SLC38A11: variants seen among roughly 807,000 people sequenced by gnomAD.
SLC38A11 encodes solute carrier family 38 member 11.
SLC38A11 carries 51 observed loss-of-function variants against 49.4 expected under a neutral mutation model. The observed-to-expected ratio is 1.03, with a 90% CI of 0.83 to 1.30. The LOEUF (loss-of-function observed/expected upper bound fraction) is 1.30. Among genes scored for constraint, SLC38A11 ranks in the 50% most tolerant of loss-of-function variants. The pLI is 0.00. For synonymous variants in SLC38A11, 203 were observed against 192.9 expected, an observed-to-expected ratio of 1.05 and a Z score of -0.43; for missense variants, 574 against 556.2, an observed-to-expected ratio of 1.03 and a Z score of -0.32.
chr2:164,940,334 G>A (rs1687680240), intron 5 of SLC38A11, among the ~76,000 whole-genome samples: 1 of 149,718 alleles, frequency 6.7e-6, no homozygotes, highest in African/African-American at 2.4e-5. Context: ...AACATACAAG[G>A]ATTTATATAT....
Position 164,937,575 on chromosome 2 carries a change from G to GTTGA in SLC38A11, c.538-150_538-147dup, listed in dbSNP as rs1180163616. 4.2e-5 allele frequency: 24 copies of GTTGA among 572,914 alleles called. No individual in the cohort carries two copies. The Admixed American group carries it at 6.7e-4, about 16-fold the overall frequency. 35.5% of individuals were successfully genotyped at this position (572,914 alleles called of 1,614,324 possible). A position where few individuals can be genotyped will look rare whatever the true frequency, so the allele number is the denominator to read the frequency against. ...TAGTAGGTTATTCTTGCAGCTTGGTGTTGATAATCTCAGGCAGGTAACTTC... is the reference window on the plus strand; with the variant it reads ...TAGTAGGTTATTCTTGCAGCTTGGTGTTGATTGATAATCTCAGGCAGGTAACTTC... On this transcript the variant is annotated intron_variant, in intron 6 of 11. Transcript: ENST00000685975.
intron 7 of SLC38A11, among the ~76,000 whole-genome samples, chr2:164,921,528 G>T (rs1686205039): frequency 2.0e-5 from 3 of 150,174 alleles, no homozygotes; most frequent in South Asian, 2.1e-4. Context: ...TGGGGGTCTT[G>T]CTATGTTGTC....
At chr2:164,903,644 C>T (rs1242207316) in intron 11 of SLC38A11, among the ~76,000 whole-genome samples, 1 of 152,158 alleles carries the variant, frequency 6.6e-6, no homozygotes, top group Non-Finnish European at 1.5e-5. Context: ...TTAATGTAGA[C>T]TTGCTTAAGG....
At chr2:164,916,954 T>C (rs1418237534) in intron 7 of SLC38A11, among the ~76,000 whole-genome samples, 1 of 152,186 alleles carries the variant, frequency 6.6e-6, no homozygotes, top group African/African-American at 2.4e-5. Flanking sequence ...CTGGGGATAA[T>C]TGTAGTATCT....
At chr2:164,933,714 T>C (rs902359131) in intron 7 of SLC38A11, among the ~76,000 whole-genome samples, 8 of 152,166 alleles carry the variant, frequency 5.3e-5, no homozygotes, top group Admixed American at 5.2e-4. Context: ...ACATGGAGTA[T>C]TGAATTTCTC....
intron 6 of SLC38A11, chr2:164,937,647 C>T (rs894727688): frequency 4.7e-6 from 2 of 429,854 alleles, no homozygotes; most frequent in African/African-American, 2.0e-5. Context: ...AGTAGGTGAG[C>T]AAGTATTATA....
At chr2:164,941,313 T>G (rs576609032) in intron 5 of SLC38A11, among the ~76,000 whole-genome samples, 1 of 152,250 alleles carries the variant, frequency 6.6e-6, no homozygotes, top group Admixed American at 6.5e-5. Context: ...AGAGCCAAGG[T>G]TTTGGCTACC....
At chr2:164,924,315 A>G (rs888789860) in intron 7 of SLC38A11, among the ~76,000 whole-genome samples, 4 of 152,164 alleles carry the variant, frequency 2.6e-5, no homozygotes, top group Non-Finnish European at 5.9e-5. Context: ...GGAACTGGGA[A>G]TACAGACTAC....
intron 11 of SLC38A11, among the ~76,000 whole-genome samples, chr2:164,904,604 A>G (rs1384485407): frequency 6.6e-6 from 1 of 152,198 alleles, no homozygotes; most frequent in Non-Finnish European, 1.5e-5. Context: ...CTAAAGTACT[A>G]AAATTGTTAT....
chr2:164,943,838 C>T (rs1687937961), intron 5 of SLC38A11, among the ~76,000 whole-genome samples: 1 of 152,044 alleles, frequency 6.6e-6, no homozygotes, highest in Non-Finnish European at 1.5e-5. Context: ...TTTGTCAAAA[C>T]TCACAGAATA....
At chr2:164,926,927 G>GGACA (rs1686642309) in intron 7 of SLC38A11, among the ~76,000 whole-genome samples, 2 of 150,880 alleles carry the variant, frequency 1.3e-5, no homozygotes, top group Non-Finnish European at 3.0e-5. Context: ...ACGAGTTAAT[G>GGACA]GGTGCAGCAC....
rs1574751769 is a variant in SLC38A11, at chr2:164,909,954, T to C, written c.964-1183A>G. Reference sequence around the variant, plus strand: ...TATTATCTTATTTAAGATCCATTCTTACAGATGCCTCTATGATATAATTGT... The same window carrying C: ...TATTATCTTATTTAAGATCCATTCTCACAGATGCCTCTATGATATAATTGT... On this transcript the variant is annotated intron_variant, in intron 10 of 11. Coordinates refer to ENST00000685975, the MANE Select transcript of SLC38A11 (RefSeq NM_001351537.2). Among the ~76,000 whole-genome samples, 6 of 152,270 alleles carry C rather than the reference T, an allele frequency of 3.9e-5. No individual in the cohort carries two copies. In the South Asian group the frequency reaches 1.2e-3, roughly 32 times the overall value.
intron 11 of SLC38A11, among the ~76,000 whole-genome samples, chr2:164,903,728 A>G (rs1165533862): frequency 2.6e-5 from 4 of 152,186 alleles, no homozygotes; most frequent in African/African-American, 9.7e-5. Flanking sequence ...TATTAAAAAG[A>G]CAACAAAATA....
intron 3 of SLC38A11, among the ~76,000 whole-genome samples, chr2:164,947,955 T>C (rs1175695117): frequency 6.6e-6 from 1 of 152,190 alleles, no homozygotes. Flanking sequence ...TGATTTCTCC[T>C]TCCTACCAAG....
In SLC38A11 at chr2:164,898,456, T is replaced by C; in HGVS notation, c.1370A>G (p.Asn457Ser). The change falls in exon 12 of 12, where the codon AAT becomes AGT. Residue 457 changes from asparagine to serine, a missense_variant. Transcript: ENST00000685975. Reference sequence around the variant, plus strand: ...GTCAACTCATTGAAAGATACTAATATTTAAAGTAGAAAGTTGTGTTGTCTG... The same window carrying C: ...GTCAACTCATTGAAAGATACTAATACTTAAAGTAGAAAGTTGTGTTGTCTG... ...VQQTTQLSTL[N>S]ISIFQ 6.2e-7 allele frequency: 1 copy of C among 1,611,690 alleles called. No homozygotes were observed. The highest frequency in any genetic ancestry group is 1.1e-5 in the South Asian group (1 of 90,992).
At chr2:164,953,639 G>GA (rs374189710) in intron 2 of SLC38A11, among the ~76,000 whole-genome samples, 34 of 143,810 alleles carry the variant, frequency 2.4e-4, no homozygotes, top group Non-Finnish European at 2.1e-4. Flanking sequence ...ATCATTTGGA[G>GA]AAAAAAAAAA....
In SLC38A11 at chr2:164,896,789, C is replaced by T. The variant is rs1048539536; in HGVS notation, c.*1648G>A. ...GAGCATGGTTCTACCTGCTAAAATG[C>T]ATCTTCCTTTATGTTCAATAGGCCT... On this transcript the variant is annotated 3_prime_UTR_variant, in exon 12 of 12. Coordinates refer to ENST00000685975, the MANE Select transcript of SLC38A11 (RefSeq NM_001351537.2). 4 of 152,092 alleles carry T rather than the reference C, an allele frequency of 2.6e-5. No homozygotes were observed. The highest frequency in any genetic ancestry group is 9.7e-5 in the African/African-American group (4 of 41,408). 9.4% of individuals were successfully genotyped at this position (152,092 alleles called of 1,614,324 possible). A position where few individuals can be genotyped will look rare whatever the true frequency, so the allele number is the denominator to read the frequency against.
At chr2:164,936,149 A>G (rs1314699549) in intron 7 of SLC38A11, among the ~76,000 whole-genome samples, 1 of 152,230 alleles carries the variant, frequency 6.6e-6, no homozygotes, top group African/African-American at 2.4e-5. Flanking sequence ...AAAAAATAAT[A>G]TAAATATTAC....
At chr2:164,940,274 T>A (rs187846525) in intron 5 of SLC38A11, among the ~76,000 whole-genome samples, 1 of 148,872 alleles carries the variant, frequency 6.7e-6, no homozygotes, top group Non-Finnish European at 1.5e-5. Context: ...TATAATTATA[T>A]GTGTTGTGTG....
Sources: gnomAD v4.1 joint callset for allele counts (sites outside exome capture counted in the v4.1 genomes callset) on GRCh38, gnomAD v4.1.1 for gene constraint, MANE v1.5 for transcripts, NCBI Gene and HGNC (gene_info 2026-07-23, HGNC 2026-07-21) for gene names.